Variants in PRIM2 observed in about 807,000 individuals in gnomAD.
PRIM2 encodes DNA primase large subunit.
PRIM2 carries 39 observed loss-of-function variants against 67.3 expected under a neutral mutation model. The observed-to-expected ratio is 0.58, with a 90% CI of 0.45 to 0.76. The LOEUF (loss-of-function observed/expected upper bound fraction) is 0.76. PRIM2 is among the 30% of genes least tolerant of loss of function. The probability of loss-of-function intolerance (pLI) is 0.00; values close to 1 mark genes in which losing one functional copy is unlikely to be tolerated. For synonymous variants in PRIM2, 143 were observed against 198.7 expected (o/e 0.72, Z 2.36); for missense variants, 398 against 598.7 (o/e 0.66, Z 3.50).
chr6:57,264,160 T>A, the PRIM2 span, among the ~76,000 whole-genome samples: 1 of 152,234 alleles, frequency 6.6e-6, no homozygotes. Flanking sequence ...TTTGTCCCCA[T>A]TTATTGGCTC....
rs1340790060 is a variant in PRIM2 at position 57,336,943 on chromosome 6, G to C, written c.459+10898G>C. Reference sequence around the variant, plus strand: ...TTGGATAAAGAGTCAAGACCCATCAGTGTGCTGTATTCAGGAAACCCATCT... The same window carrying C: ...TTGGATAAAGAGTCAAGACCCATCACTGTGCTGTATTCAGGAAACCCATCT... On this transcript the variant is annotated intron_variant, in intron 5 of 13. Transcript: ENST00000615550. Among the ~76,000 whole-genome samples, 3 of 152,080 alleles carry C rather than the reference G, an allele frequency of 2.0e-5. No homozygotes were observed. In the East Asian group the frequency reaches 5.8e-4, roughly 29 times the overall value.
At chr6:57,597,111 G>C (rs1253666764) in intron 10 of PRIM2, among the ~76,000 whole-genome samples, 1 of 151,802 alleles carries the variant, frequency 6.6e-6, no homozygotes, top group Non-Finnish European at 1.5e-5. Context: ...CCAAGTCCCT[G>C]CCCTTAACAG....
chr6:57,486,577 C>T (rs1310692390), intron 7 of PRIM2, among the ~76,000 whole-genome samples: 2 of 152,312 alleles, frequency 1.3e-5, no homozygotes, highest in Non-Finnish European at 2.9e-5. Flanking sequence ...TCTAGATGGG[C>T]GGATTGAACT....
intron 9 of PRIM2, among the ~76,000 whole-genome samples, chr6:57,536,294 T>C (rs1317951562): frequency 1.3e-5 from 2 of 152,242 alleles, no homozygotes; most frequent in African/African-American, 2.4e-5. Flanking sequence ...GAGAATGCAA[T>C]TGAAACCGTA....
intron 7 of PRIM2, among the ~76,000 whole-genome samples, chr6:57,430,549 G>C (rs1771790335): frequency 2.7e-5 from 4 of 146,268 alleles, no homozygotes; most frequent in Non-Finnish European, 1.5e-5. Context: ...TACCTCCCAG[G>C]TACTAGTGAT....
At chr6:57,270,639 C>T in the PRIM2 span, among the ~76,000 whole-genome samples, 1 of 152,136 alleles carries the variant, frequency 6.6e-6, no homozygotes, top group Non-Finnish European at 1.5e-5. Flanking sequence ...TGCCTGATTG[C>T]CCCGGCCAGA....
At chr6:57,238,552 A>G in the PRIM2 span, among the ~76,000 whole-genome samples, 2 of 152,246 alleles carry the variant, frequency 1.3e-5, no homozygotes, top group African/African-American at 4.8e-5. Context: ...TTTCTGGGAC[A>G]CATTTAAAGC....
intron 7 of PRIM2, among the ~76,000 whole-genome samples, chr6:57,464,462 G>A (rs1363152037): frequency 6.6e-6 from 1 of 151,966 alleles, no homozygotes; most frequent in Non-Finnish European, 1.5e-5. Context: ...GTTTTCAGTA[G>A]AGATAGGGTT....
intron 5 of PRIM2, among the ~76,000 whole-genome samples, chr6:57,354,509 C>T (rs192770353): frequency 1.3e-5 from 2 of 151,826 alleles, no homozygotes; most frequent in African/African-American, 4.8e-5. Context: ...GATAAACTCA[C>T]CGTTTCACCT....
At position 57,519,298 on chromosome 6, in the gene PRIM2, T is replaced by C. The variant is rs1774557629; in HGVS notation, c.761+11844T>C. On this transcript the variant is annotated intron_variant, in intron 8 of 13. Coordinates refer to ENST00000615550, the MANE Select transcript of PRIM2 (RefSeq NM_000947.5). ...TTGAGATCAACTGGTCTGACCAAAA[T>C]TTATTAGGCAGGAATTTCCTCTTCC... 2.0e-5 allele frequency among the ~76,000 whole-genome samples: 3 copies of C among 152,308 alleles called. No homozygotes were observed. The South Asian group carries it at 6.2e-4, about 32-fold the overall frequency.
At chr6:57,240,251 G>A in the PRIM2 span, among the ~76,000 whole-genome samples, 5 of 152,036 alleles carry the variant, frequency 3.3e-5, no homozygotes, top group South Asian at 2.1e-4. Flanking sequence ...ACAGGCATGC[G>A]CCAACCGCGC....
the PRIM2 span, among the ~76,000 whole-genome samples, chr6:57,246,774 C>T: frequency 6.6e-6 from 1 of 152,096 alleles, no homozygotes; most frequent in Admixed American, 6.5e-5. Context: ...CCTGCTGATT[C>T]TCTCACCTGC....
At chr6:57,258,495 CT>C in the PRIM2 span, among the ~76,000 whole-genome samples, 3 of 152,182 alleles carry the variant, frequency 2.0e-5, no homozygotes, top group Admixed American at 6.5e-5. Context: ...CCTGCCAAAA[CT>C]TGGCAGTAGA....
chr6:57,269,583 C>T, the PRIM2 span, among the ~76,000 whole-genome samples: 1 of 152,040 alleles, frequency 6.6e-6, no homozygotes, highest in African/African-American at 2.4e-5. Flanking sequence ...TGTAGGTTGC[C>T]TGTTCACTCT....
chr6:57,519,858 G>C (rs1554348705), intron 8 of PRIM2, among the ~76,000 whole-genome samples: 6 of 152,100 alleles, frequency 3.9e-5, no homozygotes, highest in African/African-American at 1.4e-4. Context: ...TTAATTTGGG[G>C]AACTAATAAA....
chr6:57,234,839 A>G, the PRIM2 span, among the ~76,000 whole-genome samples: 23 of 152,104 alleles, frequency 1.5e-4, no homozygotes, highest in Admixed American at 1.4e-3. Flanking sequence ...TGTTTTATTA[A>G]TTTTTTGGAA....
the PRIM2 span, among the ~76,000 whole-genome samples, chr6:57,241,640 T>C: frequency 6.6e-6 from 1 of 150,794 alleles, no homozygotes; most frequent in African/African-American, 2.4e-5. Flanking sequence ...GGGAGGAGTA[T>C]GGAATTACTA....
Position 57,646,083 on chromosome 6 carries a change from T to G in PRIM2, c.1455T>G (p.Ser485=). 1 of 1,603,998 alleles carries G rather than the reference T, an allele frequency of 6.2e-7. No homozygotes were observed. The highest frequency in any genetic ancestry group is 8.5e-7 in the Non-Finnish European group (1 of 1,170,778). ...PSVQKTKDAS[S]ALASLNSSLE... ...TCCAGAAAACCAAGGATGCATCATC[T>G]GCTCTGGCCTCTTTAAATTCCTCTC... Residue 485 remains serine (S), a synonymous_variant, in exon 14 of 14, where the codon TCT becomes TCG. Transcript: ENST00000615550.
chr6:57,415,161 G>A (rs1771217369), intron 7 of PRIM2, among the ~76,000 whole-genome samples: 1 of 152,078 alleles, frequency 6.6e-6, no homozygotes, highest in Non-Finnish European at 1.5e-5. Flanking sequence ...TTCAGAGAAG[G>A]ATGGACTAGC....
Sources: gnomAD v4.1 joint callset for allele counts (sites outside exome capture counted in the v4.1 genomes callset) on GRCh38, gnomAD v4.1.1 for gene constraint, MANE v1.5 for transcripts, NCBI Gene and HGNC (gene_info 2026-07-23, HGNC 2026-07-21) for gene names.